SRPK2: variants seen among roughly 807,000 people sequenced by gnomAD.
The protein encoded by SRPK2 is SRSF protein kinase 2.
In SRPK2, 21 loss-of-function variants were observed where a neutral mutation model predicts 90.8. The ratio of observed to expected loss-of-function variants is 0.23; its 90% CI spans 0.16 to 0.33. SRPK2 has a LOEUF of 0.33. Ranked by LOEUF, SRPK2 falls within the 10% of genes least tolerant of loss-of-function variation. The probability of loss-of-function intolerance (pLI) is 1.00; values close to 1 mark genes in which losing one functional copy is unlikely to be tolerated. For missense variants in SRPK2, 620 were observed against 869.0 expected (o/e 0.71, Z 3.60); for synonymous variants, 288 against 311.1 (o/e 0.93, Z 0.78).
At chr7:105,219,867 G>A (rs1797889812) in intron 2 of SRPK2, among the ~76,000 whole-genome samples, 1 of 152,178 alleles carries the variant, frequency 6.6e-6, no homozygotes, top group Non-Finnish European at 1.5e-5. Context: ...ACAAAATTCT[G>A]TTTATTTAGT....
chr7:105,162,763 C>T (rs76396994), intron 6 of SRPK2, among the ~76,000 whole-genome samples: 1,801 of 152,288 alleles, frequency 0.012, 25 homozygotes, highest in African/African-American at 0.034. Flanking sequence ...CCAAACATAA[C>T]CTAAGTCTTC....
chr7:105,211,280 A>G (rs1302279118), intron 2 of SRPK2, among the ~76,000 whole-genome samples: 1 of 151,828 alleles, frequency 6.6e-6, no homozygotes, highest in Non-Finnish European at 1.5e-5. Flanking sequence ...TGGCCAGGGG[A>G]CTTAAGCTGG....
intron 2 of SRPK2, chr7:105,205,970 T>C (rs778129594): frequency 7.7e-6 from 4 of 518,988 alleles, no homozygotes; most frequent in Non-Finnish European, 1.5e-5. Flanking sequence ...TAGAAACTAC[T>C]TGAAGAAAAG....
At chr7:105,293,427 T>C (rs1809334713) in intron 2 of SRPK2, among the ~76,000 whole-genome samples, 1 of 148,588 alleles carries the variant, frequency 6.7e-6, no homozygotes, top group African/African-American at 2.5e-5. Context: ...CAGTATTAGG[T>C]AGATACAAAT....
chr7:105,133,260 T>C (rs1802290850), intron 11 of SRPK2, among the ~76,000 whole-genome samples, 156 bp from the exon 12 acceptor site: 1 of 152,156 alleles, frequency 6.6e-6, no homozygotes, highest in African/African-American at 2.4e-5. Flanking sequence ...GAACTAAAAT[T>C]GCTTGTTCTC....
At chr7:105,370,831 G>A (rs1248320859) in intron 2 of SRPK2, among the ~76,000 whole-genome samples, 1 of 151,866 alleles carries the variant, frequency 6.6e-6, no homozygotes, top group African/African-American at 2.4e-5. Context: ...GCCCAGGCTG[G>A]TCTTGAACTC....
At chr7:105,118,576 T>A (rs908553586) in intron 15 of SRPK2, among the ~76,000 whole-genome samples, 9 of 152,276 alleles carry the variant, frequency 5.9e-5, no homozygotes, top group African/African-American at 2.2e-4. Context: ...GCCTACGAGC[T>A]GTAATGGTCA....
chr7:105,219,405 A>G (rs1162565956), intron 2 of SRPK2, among the ~76,000 whole-genome samples: 2 of 152,058 alleles, frequency 1.3e-5, no homozygotes, highest in East Asian at 3.9e-4. Flanking sequence ...AAATAGCCCC[A>G]CTCAGGCCAG....
rs181330062 is a variant in SRPK2, at chr7:105,149,385, T to C, written c.622-2727A>G. Among the ~76,000 whole-genome samples, 200 of 152,288 alleles carry C rather than the reference T, an allele frequency of 1.3e-3. 2 individuals are homozygous for C. Among genetic ancestry groups the C allele is most frequent in the Non-Finnish European group, 2.2e-3 (147 of 68,018 alleles). On this transcript the variant is annotated intron_variant, in intron 7 of 15. Coordinates refer to ENST00000393651, the MANE Select transcript of SRPK2 (RefSeq NM_182692.3). Reference sequence around the variant, plus strand: ...CCTTCCCTTGAACTTAATTATGACATAGATTCTATTGCTCACGTGTTTGTT... The same window carrying C: ...CCTTCCCTTGAACTTAATTATGACACAGATTCTATTGCTCACGTGTTTGTT...
intron 2 of SRPK2, among the ~76,000 whole-genome samples, chr7:105,221,354 C>T (rs1254586932): frequency 6.6e-6 from 1 of 152,162 alleles, no homozygotes; most frequent in Non-Finnish European, 1.5e-5. Context: ...CAGTTATAAA[C>T]CCTGTGGCTT....
At chr7:105,158,835 T>A (rs1806975025) in intron 7 of SRPK2, among the ~76,000 whole-genome samples, 1 of 151,610 alleles carries the variant, frequency 6.6e-6, no homozygotes, top group Non-Finnish European at 1.5e-5. Flanking sequence ...TTTAAAGACT[T>A]TAGAGTTGCT....
intron 6 of SRPK2, among the ~76,000 whole-genome samples, chr7:105,161,678 T>C (rs1414284870): frequency 6.6e-6 from 1 of 152,210 alleles, no homozygotes; most frequent in African/African-American, 2.4e-5. Flanking sequence ...AGCTCCAGTA[T>C]CTCAAGTGTC....
intron 2 of SRPK2, among the ~76,000 whole-genome samples, chr7:105,367,252 A>T (rs749753395): frequency 4.6e-5 from 7 of 151,846 alleles, no homozygotes; most frequent in Non-Finnish European, 5.9e-5. Context: ...GATAACTGGC[A>T]TCACAGGGCT....
At chr7:105,158,985 T>C (rs1280311935) in intron 7 of SRPK2, among the ~76,000 whole-genome samples, 1 of 152,080 alleles carries the variant, frequency 6.6e-6, no homozygotes, top group Non-Finnish European at 1.5e-5. Flanking sequence ...AAATAATGAA[T>C]AAAAATGCTA....
chr7:105,207,509 A>G (rs1243967324), intron 2 of SRPK2, among the ~76,000 whole-genome samples: 3 of 152,258 alleles, frequency 2.0e-5, no homozygotes, highest in African/African-American at 7.2e-5. Context: ...TATCAGAAGT[A>G]TATAAGCAGC....
chr7:105,344,840 TAAA>T (rs35086357), intron 2 of SRPK2, among the ~76,000 whole-genome samples: 1 of 141,332 alleles, frequency 7.1e-6, no homozygotes, highest in Admixed American at 7.2e-5. Flanking sequence ...CACTCACACT[TAAA>T]AAAAAAAAAA....
rs140233231 is a variant in SRPK2 at position 105,163,479 on chromosome 7, C to T, written c.515-2866G>A. On this transcript the variant is annotated intron_variant, in intron 6 of 15. Coordinates refer to ENST00000393651, the MANE Select transcript of SRPK2 (RefSeq NM_182692.3). ...GAAGATGAAGCCTGCAGCGGCAGAC[C>T]ATTTGCATCAATTTGTGTGGAAAAA... Among the ~76,000 whole-genome samples the T allele has an allele frequency of 2.0e-4, 31 of 152,006 alleles. No individual in the cohort carries two copies. In the East Asian group the frequency reaches 6.0e-3, roughly 29 times the overall value.
intron 3 of SRPK2, among the ~76,000 whole-genome samples, chr7:105,191,261 C>T (rs892280314): frequency 3.9e-5 from 6 of 152,144 alleles, no homozygotes; most frequent in African/African-American, 1.4e-4. Flanking sequence ...TAGGGAGACC[C>T]CGTCTCTATC....
chr7:105,318,099 TG>T (rs2131499040), intron 2 of SRPK2, among the ~76,000 whole-genome samples: 1 of 152,146 alleles, frequency 6.6e-6, no homozygotes, highest in Non-Finnish European at 1.5e-5. Context: ...TTCATTTTTG[TG>T]GTTTTGTTTT....
Sources: allele counts gnomAD v4.1 joint callset (sites outside exome capture counted in the v4.1 genomes callset), GRCh38; gene constraint gnomAD v4.1.1; transcripts MANE v1.5; gene names NCBI Gene and HGNC (gene_info 2026-07-23, HGNC 2026-07-21).